PHLPP1: variants seen among roughly 807,000 people sequenced by gnomAD.
PHLPP1 encodes PH domain and leucine rich repeat protein phosphatase 1.
In PHLPP1, 42 loss-of-function variants were observed where a neutral mutation model predicts 117.2. That is an observed-to-expected ratio of 0.36 (90% CI 0.28 to 0.46). The LOEUF is 0.46. PHLPP1 is among the 20% of genes least tolerant of loss of function. The pLI is 1.00. For synonymous variants in PHLPP1, 1,042 were observed against 970.7 expected, an observed-to-expected ratio of 1.07 and a Z score of -1.37; for missense variants, 2,084 against 2,241.9, an observed-to-expected ratio of 0.93 and a Z score of 1.42.
intron 4 of PHLPP1, among the ~76,000 whole-genome samples, chr18:62,889,927 A>G (rs1202119781): frequency 6.6e-6 from 1 of 152,136 alleles, no homozygotes; most frequent in East Asian, 1.9e-4. Context: ...TTTCAAGAAC[A>G]TTTCCATTAG....
In PHLPP1 at chr18:62,895,084, C is replaced by T. The variant is rs1916518949; in HGVS notation, c.2140C>T (p.Pro714Ser). The change falls in exon 5 of 17, where the codon CCA becomes TCA. Residue 714 changes from proline (P) to serine (S), a missense_variant. Physicochemically the swap from Pro to Ser is moderately conservative, Grantham distance 74. This residue lies in a region of PHLPP1 where 1,365 missense variants were observed against 1,605.9 expected (regional missense o/e 0.85). Transcript: ENST00000262719. ...GDFPLAVCSI[P>S]TLAELNVSCN... is the part of the protein sequence containing the mutation. ...CTTCCCACTGGCAGTCTGCAGTATT[C>T]CAACCCTGGCAGAGCTGAACGTGTC... 3 of 1,613,764 alleles carry T rather than the reference C, an allele frequency of 1.9e-6. No individual in the cohort carries two copies. Among genetic ancestry groups the T allele is most frequent in the Non-Finnish European group, 2.5e-6 (3 of 1,179,788 alleles).
chr18:62,728,567 G>A (rs970173135), intron 1 of PHLPP1, among the ~76,000 whole-genome samples: 1 of 150,654 alleles, frequency 6.6e-6, no homozygotes, highest in Admixed American at 6.6e-5. Flanking sequence ...GCAGTGGCGC[G>A]ATCTTGGTTC....
intron 1 of PHLPP1, among the ~76,000 whole-genome samples, chr18:62,721,289 TA>T (rs1861380472): frequency 6.6e-6 from 1 of 152,158 alleles, no homozygotes; most frequent in Non-Finnish European, 1.5e-5. Context: ...TGCTTGGATT[TA>T]AGTTGATATG....
At chr18:62,916,575 A>G (rs1297502932) in intron 9 of PHLPP1, among the ~76,000 whole-genome samples, 3 of 150,078 alleles carry the variant, frequency 2.0e-5, no homozygotes, top group Admixed American at 6.7e-5. Context: ...CAAGTGACCC[A>G]TTGCAGCCAT....
intron 11 of PHLPP1, among the ~76,000 whole-genome samples, chr18:62,942,235 C>T (rs1393156155): frequency 1.3e-5 from 2 of 152,024 alleles, no homozygotes; most frequent in Admixed American, 6.5e-5. Flanking sequence ...AACCATTATC[C>T]TAGAGCCAGG....
intron 10 of PHLPP1, among the ~76,000 whole-genome samples, chr18:62,929,690 G>A (rs974795788): frequency 5.3e-5 from 8 of 152,230 alleles, no homozygotes; most frequent in African/African-American, 1.9e-4. Flanking sequence ...GCTCATGCGT[G>A]TTGTCCTAGC....
chr18:62,826,773 TG>T (rs1416849585), intron 1 of PHLPP1, among the ~76,000 whole-genome samples: 2 of 151,882 alleles, frequency 1.3e-5, no homozygotes, highest in African/African-American at 4.8e-5. Flanking sequence ...GAGGCCGAGG[TG>T]GGTGGATCAC....
intron 1 of PHLPP1, among the ~76,000 whole-genome samples, chr18:62,822,323 C>G (rs1418612171): frequency 8.0e-6 from 1 of 124,830 alleles, no homozygotes; most frequent in Non-Finnish European, 1.6e-5. Context: ...GCTCTGTGGT[C>G]CAGGCTGGAG....
rs147831065 is a variant in PHLPP1 at position 62,893,296 on chromosome 18, C to T, written c.2067-1715C>T. On this transcript the variant is annotated intron_variant, in intron 4 of 16. Transcript: ENST00000262719. ...CTGACCTCAGGTGATCTGCCCACCT[C>T]GGCCTCCCAAAGTGCTGGGATTACA... Among the ~76,000 whole-genome samples, 58 of 152,284 alleles carry T rather than the reference C, an allele frequency of 3.8e-4. 1 individual carries two copies. The East Asian group carries it at 4.8e-3, about 13-fold the overall frequency.
At chr18:62,767,928 T>C (rs1912605035) in intron 1 of PHLPP1, among the ~76,000 whole-genome samples, 1 of 152,164 alleles carries the variant, frequency 6.6e-6, no homozygotes, top group African/African-American at 2.4e-5. Flanking sequence ...TAAGATGCAG[T>C]ATTTGGCTGG....
At chr18:62,777,577 A>G (rs1912998427) in intron 1 of PHLPP1, among the ~76,000 whole-genome samples, 1 of 151,674 alleles carries the variant, frequency 6.6e-6, no homozygotes, top group Non-Finnish European at 1.5e-5. Context: ...AAATTTTTTT[A>G]AAGCCTAATT....
At chr18:62,867,083 C>A (rs1281754421) in intron 4 of PHLPP1, among the ~76,000 whole-genome samples, 1 of 152,034 alleles carries the variant, frequency 6.6e-6, no homozygotes, top group Non-Finnish European at 1.5e-5. Context: ...CAAAGTAACA[C>A]CCTATATAGA....
chr18:62,938,942 A>ATTCT (rs1661788265), intron 10 of PHLPP1, among the ~76,000 whole-genome samples: 1 of 151,456 alleles, frequency 6.6e-6, no homozygotes, highest in South Asian at 2.1e-4. Flanking sequence ...GTGTATAACT[A>ATTCT]CATATTTCCT....
chr18:62,831,627 G>C (rs1037842120), intron 2 of PHLPP1, among the ~76,000 whole-genome samples: 8 of 152,142 alleles, frequency 5.3e-5, no homozygotes, highest in Admixed American at 4.6e-4. Context: ...ATGAGCCACT[G>C]TGCCTGGCCT....
Position 62,979,362 on chromosome 18 carries a change from G to A in PHLPP1, c.5085G>A (p.Gln1695=), listed in dbSNP as rs1262464601. The change falls in exon 17 of 17, where the codon CAG becomes CAA. Residue 1695 remains glutamine (Q), a synonymous_variant. Coordinates refer to ENST00000262719, the MANE Select transcript of PHLPP1 (RefSeq NM_194449.4). ...AGCAGCAGCCGCCACCACCCCCTCAGCTCCAGCCGCAGCTGCCGCGGCACT... is the reference window on the plus strand; with the variant it reads ...AGCAGCAGCCGCCACCACCCCCTCAACTCCAGCCGCAGCTGCCGCGGCACT... ...QQQQQPPPPP[Q]LQPQLPRHYQ... is the part of the protein sequence containing the mutation. The A allele has an allele frequency of 6.5e-7, 1 of 1,550,188 alleles. No individual in the cohort carries two copies. Among genetic ancestry groups the A allele is most frequent in the South Asian group, 1.2e-5 (1 of 84,076 alleles).
At chr18:62,767,266 C>A (rs552389550) in intron 1 of PHLPP1, among the ~76,000 whole-genome samples, 1 of 152,228 alleles carries the variant, frequency 6.6e-6, no homozygotes, top group African/African-American at 2.4e-5. Flanking sequence ...CCACTAAAAC[C>A]GAGATTCCTT....
At chr18:62,942,358 A>G (rs1478900558) in intron 11 of PHLPP1, among the ~76,000 whole-genome samples, 2 of 152,138 alleles carry the variant, frequency 1.3e-5, no homozygotes, top group Non-Finnish European at 2.9e-5. Flanking sequence ...CTATCTATTA[A>G]AAAATAAAGT....
In PHLPP1 at chr18:62,914,560, T is replaced by C. The variant is rs548353707; in HGVS notation, c.2709-353T>C. Among the ~76,000 whole-genome samples the C allele has an allele frequency of 2.6e-5, 4 of 152,272 alleles. No homozygotes were observed. In the South Asian group the frequency reaches 8.3e-4, roughly 32 times the overall value. On this transcript the variant is annotated intron_variant, in intron 8 of 16. Transcript: ENST00000262719. ...CCAGCAGTCCTCCCACTGTACCCTT[T>C]TGAGTAGCTGGGACTATAGGTGCAT...
chr18:62,813,197 A>G (rs1264949245), intron 1 of PHLPP1, among the ~76,000 whole-genome samples: 1 of 152,206 alleles, frequency 6.6e-6, no homozygotes, highest in Non-Finnish European at 1.5e-5. Flanking sequence ...AGAAGCTCAT[A>G]AAAGGGAGGA....
Sources: allele counts gnomAD v4.1 joint callset (sites outside exome capture counted in the v4.1 genomes callset), GRCh38; gene constraint gnomAD v4.1.1; regional missense constraint gnomAD v4.1.1; transcripts MANE v1.5; gene names NCBI Gene and HGNC (gene_info 2026-07-23, HGNC 2026-07-21).